The following EXOC4 variants were observed in gnomAD, a reference collection of about 807,000 sequenced individuals.
EXOC4 encodes the protein SEC8-like 1.
In EXOC4, 71 loss-of-function variants were observed where a neutral mutation model predicts 107.2. The observed-to-expected ratio is 0.66, with a 90% CI of 0.55 to 0.81. The LOEUF (loss-of-function observed/expected upper bound fraction) is 0.81. Ranked by LOEUF, EXOC4 falls within the 30% of genes least tolerant of loss-of-function variation. EXOC4 has a pLI of 0.00. For missense variants in EXOC4, 1,108 were observed against 1,189.6 expected, an observed-to-expected ratio of 0.93 and a Z score of 1.01; for synonymous variants, 456 against 441.2, an observed-to-expected ratio of 1.03 and a Z score of -0.42.
chr7:134,075,136 T>C, the EXOC4 span, among the ~76,000 whole-genome samples: 1 of 152,230 alleles, frequency 6.6e-6, no homozygotes, highest in Non-Finnish European at 1.5e-5. Flanking sequence ...TGGATGTTCT[T>C]GACTTCTTTT....
Position 133,921,139 on chromosome 7 carries a change from G to T in EXOC4, c.2027+3401G>T, listed in dbSNP as rs1799927574. Among the ~76,000 whole-genome samples the T allele has an allele frequency of 2.0e-5, 3 of 152,312 alleles. No individual in the cohort carries two copies. In the South Asian group the frequency reaches 6.2e-4, roughly 32 times the overall value. The stretch of plus-strand genomic sequence containing the variant: ...CCAAGTCCAAAGCCCTGAGAACAGG[G>T]TTAGAGGGTGGGGCTAGTGTAAGTC... On this transcript the variant is annotated intron_variant, in intron 13 of 17. Coordinates refer to ENST00000253861, the MANE Select transcript of EXOC4 (RefSeq NM_021807.4).
intron 7 of EXOC4, among the ~76,000 whole-genome samples, chr7:133,434,039 A>G (rs2059377): frequency 1 from 151,577 of 152,320 alleles, 75,426 homozygotes; most frequent in East Asian, 1. Flanking sequence ...ATCTTAAGAA[A>G]TAAACATGTA....
At chr7:133,755,275 A>T (rs1795885869) in intron 10 of EXOC4, among the ~76,000 whole-genome samples, 1 of 104,278 alleles carries the variant, frequency 9.6e-6, no homozygotes, top group Non-Finnish European at 1.9e-5. Flanking sequence ...TATATATATT[A>T]TATATATTAT....
chr7:133,967,995 T>G (rs557524750), intron 14 of EXOC4, among the ~76,000 whole-genome samples: 46 of 152,314 alleles, frequency 3.0e-4, no homozygotes, highest in Admixed American at 2.7e-3. Flanking sequence ...AGAACTTGCT[T>G]TATGAAATCT....
At chr7:133,860,059 T>G (rs1269838776) in intron 11 of EXOC4, among the ~76,000 whole-genome samples, 2 of 152,206 alleles carry the variant, frequency 1.3e-5, no homozygotes, top group Non-Finnish European at 2.9e-5. Flanking sequence ...GGTCAAATGT[T>G]GGCAATTTCC....
chr7:133,983,835 A>T (rs1046074637), intron 14 of EXOC4, among the ~76,000 whole-genome samples: 10 of 152,192 alleles, frequency 6.6e-5, no homozygotes, highest in African/African-American at 2.4e-4. Flanking sequence ...CAGCACCACA[A>T]TACTGCTTTT....
chr7:133,443,292 C>T (rs1013911928), intron 7 of EXOC4, among the ~76,000 whole-genome samples: 15 of 152,076 alleles, frequency 9.9e-5, no homozygotes, highest in Admixed American at 6.5e-4. Flanking sequence ...GAGACCCTAG[C>T]AGGAGAGGCC....
At chr7:133,487,983 T>G (rs1274537861) in intron 9 of EXOC4, among the ~76,000 whole-genome samples, 2 of 152,154 alleles carry the variant, frequency 1.3e-5, no homozygotes, top group Admixed American at 1.3e-4. Flanking sequence ...TGTTAAAATA[T>G]GGAGAAGACC....
chr7:134,060,970 GTC>G (rs1796044358), intron 17 of EXOC4, among the ~76,000 whole-genome samples: 1 of 152,098 alleles, frequency 6.6e-6, no homozygotes, highest in Non-Finnish European at 1.5e-5. Flanking sequence ...GACTCTTTTA[GTC>G]TCTCAGTCCA....
chr7:133,823,841 TATTATATATATATA>T lies in EXOC4; in HGVS notation c.1734+6298_1734+6311del, dbSNP rs1250660019. On this transcript the variant is annotated intron_variant, in intron 11 of 17. Coordinates refer to ENST00000253861, the MANE Select transcript of EXOC4 (RefSeq NM_021807.4). ...AAATACATACATATATATATATATATATTATATATATATATATATATATATATATATTATATATA... is the reference window on the plus strand; with the variant it reads ...AAATACATACATATATATATATATATTATATATATATATATATTATATATA... Among the ~76,000 whole-genome samples, 4 of 8,848 alleles carry T rather than the reference TATTATATATATATA, an allele frequency of 4.5e-4. No individual in the cohort carries two copies. In the East Asian group the frequency reaches 0.017, roughly 37 times the overall value. 5.8% of individuals were successfully genotyped at this position (8,848 alleles called of 152,430 possible).
At chr7:133,331,160 A>G (rs1795377484) in intron 5 of EXOC4, among the ~76,000 whole-genome samples, 1 of 152,156 alleles carries the variant, frequency 6.6e-6, no homozygotes. Flanking sequence ...CCATTAAAAG[A>G]AAAATGATTA....
chr7:133,933,295 A>G (rs1800223375), intron 13 of EXOC4, among the ~76,000 whole-genome samples: 1 of 152,188 alleles, frequency 6.6e-6, no homozygotes, highest in Non-Finnish European at 1.5e-5. Context: ...TGTGGTAAAA[A>G]TTAGGCTTAA....
At chr7:133,706,694 A>G (rs921249115) in intron 10 of EXOC4, among the ~76,000 whole-genome samples, 5 of 152,220 alleles carry the variant, frequency 3.3e-5, no homozygotes, top group Non-Finnish European at 4.4e-5. Flanking sequence ...GGTCTTAGAA[A>G]CCCAGTGTGT....
intron 11 of EXOC4, among the ~76,000 whole-genome samples, chr7:133,862,640 C>G (rs757003177): frequency 6.6e-5 from 10 of 152,188 alleles, no homozygotes; most frequent in Admixed American, 5.2e-4. Context: ...TGCTATGAAA[C>G]TGATGGCTGT....
chr7:133,263,709 G>A (rs1251131259), intron 1 of EXOC4, among the ~76,000 whole-genome samples: 1 of 151,944 alleles, frequency 6.6e-6, no homozygotes, highest in Non-Finnish European at 1.5e-5. Context: ...TTTGTACATG[G>A]TTGAAAATTC....
intron 15 of EXOC4, among the ~76,000 whole-genome samples, chr7:134,002,766 T>C (rs915559813): frequency 6.6e-6 from 1 of 152,182 alleles, no homozygotes; most frequent in African/African-American, 2.4e-5. Context: ...CACAGTGAGA[T>C]ACTGCTCTAC....
chr7:133,434,792 TC>T (rs1235309392), intron 7 of EXOC4, among the ~76,000 whole-genome samples: 3 of 152,180 alleles, frequency 2.0e-5, no homozygotes, highest in Non-Finnish European at 2.9e-5. Flanking sequence ...AATAGATAAA[TC>T]CATATGTCTC....
intron 12 of EXOC4, among the ~76,000 whole-genome samples, chr7:133,911,956 A>T (rs1799705674): frequency 6.6e-6 from 1 of 152,186 alleles, no homozygotes. Context: ...TGAATGGTGA[A>T]ATCTCCCACA....
At chr7:133,548,764 A>C (rs963616081) in intron 9 of EXOC4, among the ~76,000 whole-genome samples, 1 of 152,224 alleles carries the variant, frequency 6.6e-6, no homozygotes, top group African/African-American at 2.4e-5. Context: ...CGTTTGCTTA[A>C]GAGAATGTTT....
Sources: allele counts gnomAD v4.1 joint callset (sites outside exome capture counted in the v4.1 genomes callset), GRCh38; gene constraint gnomAD v4.1.1; transcripts MANE v1.5; gene names NCBI Gene and HGNC (gene_info 2026-07-23, HGNC 2026-07-21).